The following KIAA0319 variants were observed in gnomAD, a reference collection of about 807,000 sequenced individuals.
KIAA0319 encodes dyslexia-associated protein KIAA0319.
A neutral mutation model predicts 108.4 loss-of-function variants in KIAA0319; 83 were observed. The ratio of observed to expected loss-of-function variants is 0.77; its 90% CI spans 0.64 to 0.92. KIAA0319 has a LOEUF of 0.92. Among genes scored for constraint, KIAA0319 ranks in the 40% least tolerant of loss-of-function variants. KIAA0319 has a pLI of 0.00. For missense variants in KIAA0319, 1,195 were observed against 1,322.4 expected (o/e 0.90, Z 1.49); for synonymous variants, 484 against 510.4 (o/e 0.95, Z 0.70).
At chr6:24,580,039 T>C in intron 7 of KIAA0319, 89 bp from the exon 8 acceptor site, 1 of 993,054 alleles carries the variant, frequency 1.0e-6, no homozygotes, top group Non-Finnish European at 1.5e-6. Context: ...AAAAAATTGA[T>C]TATACATGTC....
At chr6:24,571,498 G>A (rs900334216) in intron 11 of KIAA0319, among the ~76,000 whole-genome samples, 10 of 151,938 alleles carry the variant, frequency 6.6e-5, no homozygotes, top group African/African-American at 1.2e-4. Context: ...TCCCTTTGCC[G>A]TAGGATAGAG....
rs35622777 is a variant in KIAA0319, at chr6:24,624,203, GTTTTT to G, written c.-106+21528_-106+21532del. ...CCACACCTAGCTAATTTTTGGGGTT[GTTTTT>G]TTTTTTTTTTTTTTGTAGAGACAGG... On this transcript the variant is annotated intron_variant, in intron 1 of 20. Transcript: ENST00000378214. 1.1e-4 allele frequency among the ~76,000 whole-genome samples: 10 copies of G among 92,830 alleles called. No homozygotes were observed. In the East Asian group the frequency reaches 3.0e-3, roughly 28 times the overall value. 60.9% of individuals were successfully genotyped at this position (92,830 alleles called of 152,430 possible).
At chr6:24,632,544 T>C (rs1775715170) in intron 1 of KIAA0319, among the ~76,000 whole-genome samples, 2 of 152,200 alleles carry the variant, frequency 1.3e-5, no homozygotes, top group African/African-American at 4.8e-5. Flanking sequence ...TCTCCACTCC[T>C]TACTGCCTGG....
chr6:24,592,802 C>G (rs1183019915), intron 3 of KIAA0319, among the ~76,000 whole-genome samples: 3 of 152,084 alleles, frequency 2.0e-5, no homozygotes, highest in Non-Finnish European at 4.4e-5. Flanking sequence ...GAAATCCCAT[C>G]TCTACCAAAA....
intron 1 of KIAA0319, among the ~76,000 whole-genome samples, chr6:24,628,252 T>C (rs1774992216): frequency 1.3e-5 from 2 of 152,240 alleles, no homozygotes; most frequent in South Asian, 4.1e-4. Flanking sequence ...ATGTCAGGTA[T>C]TGTAATTTTC....
chr6:24,578,376 A>G, intron 8 of KIAA0319, 134 bp from the exon 9 acceptor site: 1 of 571,346 alleles, frequency 1.8e-6, no homozygotes, highest in Non-Finnish European at 2.9e-6. Context: ...ATGGATATAT[A>G]CTGTATTAGA....
In KIAA0319 at chr6:24,599,900, A is replaced by T; in HGVS notation, c.55+1149T>A. 1 of 320,514 alleles carries T rather than the reference A, an allele frequency of 3.1e-6. No homozygotes were observed. The highest frequency in any genetic ancestry group is 5.9e-6 in the Non-Finnish European group (1 of 168,970). 19.9% of individuals were successfully genotyped at this position (320,514 alleles called of 1,614,324 possible). A position where few individuals can be genotyped will look rare whatever the true frequency, so the allele number is the denominator to read the frequency against. ...GGAACAGGAGACCCACCTGAGGCTC[A>T]GCGCTCGCCCTCAGCCGACCCGCGG... On this transcript the variant is annotated intron_variant, in intron 2 of 20. Coordinates refer to ENST00000378214, the MANE Select transcript of KIAA0319 (RefSeq NM_014809.4). This position sits in a 1 kb window ranked among gnomAD's most constrained non-coding sequence, Gnocchi z 4.1.
chr6:24,580,539 C>T lies in KIAA0319; in HGVS notation c.1279+387G>A, dbSNP rs552836804. ...TTCTAATTCACATGAATGCACTGAC[C>T]GATGGGCATACATTTTCCCCTGACC... On this transcript the variant is annotated intron_variant, in intron 7 of 20. Transcript: ENST00000378214. Among the ~76,000 whole-genome samples the T allele has an allele frequency of 1.2e-4, 18 of 152,214 alleles. 1 individual carries two copies. The highest frequency in any genetic ancestry group is 3.9e-4 in the African/African-American group (16 of 41,538).
chr6:24,610,823 T>A (rs1002868389), intron 1 of KIAA0319, among the ~76,000 whole-genome samples: 1 of 151,708 alleles, frequency 6.6e-6, no homozygotes, highest in African/African-American at 2.4e-5. Context: ...AGCCAAAAAG[T>A]AGAAACAACC....
chr6:24,548,901 T>C (rs575338633), intron 20 of KIAA0319, among the ~76,000 whole-genome samples: 1 of 152,242 alleles, frequency 6.6e-6, no homozygotes, highest in East Asian at 1.9e-4. Context: ...ACAGTAGACA[T>C]AGAGGTTGCT....
At chr6:24,578,964 G>T (rs1765948074) in intron 8 of KIAA0319, among the ~76,000 whole-genome samples, 1 of 152,142 alleles carries the variant, frequency 6.6e-6, no homozygotes. Context: ...TGCTAAGATG[G>T]AAATATGGAT....
intron 17 of KIAA0319, 50 bp from the exon 18 acceptor site, chr6:24,556,779 C>T: frequency 6.4e-7 from 1 of 1,568,198 alleles, no homozygotes; most frequent in Non-Finnish European, 8.6e-7. Context: ...AAGGGAATCC[C>T]TGGATTCAGC....
In KIAA0319 at chr6:24,576,606, G is replaced by C. The variant is rs753854437; in HGVS notation, c.1506-10C>G. ...GTCTGTAACAGTCAACCTACAAAAA[G>C]GAGAAGAAGCCGTAGTTGGAAGAAT... On this transcript the variant is annotated splice_polypyrimidine_tract_variant and intron_variant, in intron 9 of 20. Coordinates refer to ENST00000378214, the MANE Select transcript of KIAA0319 (RefSeq NM_014809.4). The C allele has an allele frequency of 1.2e-6, 2 of 1,608,622 alleles. No homozygotes were observed. The highest frequency in any genetic ancestry group is 1.7e-6 in the Non-Finnish European group (2 of 1,175,036).
chr6:24,566,559 G>T lies in KIAA0319; in HGVS notation c.2292+38C>A, dbSNP rs1372958853. 1.2e-5 allele frequency: 19 copies of T among 1,559,106 alleles called. No homozygotes were observed. The Admixed American group carries it at 3.7e-4, about 30-fold the overall frequency. On this transcript the variant is annotated intron_variant, in intron 14 of 20. Coordinates refer to ENST00000378214, the MANE Select transcript of KIAA0319 (RefSeq NM_014809.4). ...CCAAGCTGACTAATGCAGATGTAATGATAAGTGGTCTAGGAGCAATTCTCT... is the reference window on the plus strand; with the variant it reads ...CCAAGCTGACTAATGCAGATGTAATTATAAGTGGTCTAGGAGCAATTCTCT...
At chr6:24,571,744 TCTC>T (rs1182374244) in intron 11 of KIAA0319, among the ~76,000 whole-genome samples, 1 of 152,208 alleles carries the variant, frequency 6.6e-6, no homozygotes, top group African/African-American at 2.4e-5. Flanking sequence ...CTCTTCCTCT[TCTC>T]CTGTGCTGCC....
At chr6:24,605,459 C>T (rs545706530) in intron 1 of KIAA0319, among the ~76,000 whole-genome samples, 19 of 152,300 alleles carry the variant, frequency 1.2e-4, no homozygotes, top group African/African-American at 4.6e-4. Context: ...TCTCCTGCTG[C>T]TTGCCTTTTG....
Position 24,551,526 on chromosome 6 carries a change from C to T in KIAA0319, c.2949-1G>A. On this transcript the variant is annotated splice_acceptor_variant, in intron 19 of 20. Coordinates refer to ENST00000378214, the MANE Select transcript of KIAA0319 (RefSeq NM_014809.4). LOFTEE classifies it high-confidence loss of function. The stretch of plus-strand genomic sequence containing the variant: ...TTTCCTGATTTTAGTCCTTTTTTGT[C>T]TGAAAGGAACAATGAAAAGCTCAAC... The T allele has an allele frequency of 1.9e-6, 3 of 1,578,628 alleles. No individual in the cohort carries two copies. Among genetic ancestry groups the T allele is most frequent in the Non-Finnish European group, 2.6e-6 (3 of 1,147,660 alleles).
In KIAA0319 at chr6:24,624,026, T is replaced by C. The variant is rs892358282; in HGVS notation, c.-106+21710A>G. Among the ~76,000 whole-genome samples, 122 of 139,664 alleles carry C rather than the reference T, an allele frequency of 8.7e-4. 2 individuals carry two copies. Among genetic ancestry groups the C allele is most frequent in the African/African-American group, 2.7e-3 (100 of 37,552 alleles). The allele number at this position is 139,664 out of a possible 152,430, so 91.6% of individuals were successfully genotyped here. A position where few individuals can be genotyped will look rare whatever the true frequency, so the allele number is the denominator to read the frequency against. ...TGAATTTCTTTGTTTTCTTTTTTTT[T>C]TTTTTTTTTTTTTTTTTAGACAAGG... On this transcript the variant is annotated intron_variant, in intron 1 of 20. Coordinates refer to ENST00000378214, the MANE Select transcript of KIAA0319 (RefSeq NM_014809.4).
rs746661484 is a variant in KIAA0319 at position 24,579,941 on chromosome 6, AC to A, written c.1288del (p.Val430SerfsTer6). ...VNVTVKPARR[V>X]NLPPVAVVSP... ...AACAACTGCTACAGGTGGCAGGTTG[AC>A]TCTTCTGGCTGTAACAAAAAAAAGG... On this transcript the variant is annotated frameshift_variant, in exon 8 of 21. Transcript: ENST00000378214. LOFTEE classifies it high-confidence loss of function. The A allele has an allele frequency of 6.3e-7, 1 of 1,589,712 alleles. No individual in the cohort carries two copies. Among genetic ancestry groups the A allele is most frequent in the East Asian group, 2.3e-5 (1 of 43,680 alleles).
Sources: gnomAD v4.1 joint callset for allele counts (sites outside exome capture counted in the v4.1 genomes callset) on GRCh38, gnomAD v4.1.1 for gene constraint, Gnocchi (gnomAD v3.1) non-coding constraint, MANE v1.5 for transcripts, NCBI Gene and HGNC (gene_info 2026-07-23, HGNC 2026-07-21) for gene names.